The following ADD3 variants were observed in gnomAD, a reference collection of about 807,000 sequenced individuals.
ADD3 encodes gamma-adducin.
In ADD3, 25 loss-of-function variants were observed where a neutral mutation model predicts 80.2. That is an observed-to-expected ratio of 0.31 (90% CI 0.23 to 0.44). The LOEUF is 0.44. ADD3 is among the 20% of genes least tolerant of loss of function. The pLI, the probability that ADD3 is intolerant of heterozygous loss-of-function variation, is 1.00. For missense variants in ADD3, 829 were observed against 847.5 expected, an observed-to-expected ratio of 0.98 and a Z score of 0.27; for synonymous variants, 284 against 289.6, an observed-to-expected ratio of 0.98 and a Z score of 0.20.
At chr10:110,013,423 G>C (rs1037511307) in intron 1 of ADD3, among the ~76,000 whole-genome samples, 1 of 152,102 alleles carries the variant, frequency 6.6e-6, no homozygotes, top group African/African-American at 2.4e-5. Flanking sequence ...TTTTAATCTA[G>C]GGTTATGAAA....
chr10:110,133,661 C>A lies in ADD3; in HGVS notation c.*43C>A, dbSNP rs1315133933. ...TTATTATTATAACAATGTGACATTG[C>A]ACATCTAAATACCACATTTAAGTTG... On this transcript the variant is annotated 3_prime_UTR_variant, in exon 15 of 15. Transcript: ENST00000356080. 1 of 1,444,264 alleles carries A rather than the reference C, an allele frequency of 6.9e-7. No homozygotes were observed. The highest frequency in any genetic ancestry group is 1.4e-5 in the African/African-American group (1 of 70,164). 89.5% of individuals were successfully genotyped at this position (1,444,264 alleles called of 1,614,324 possible).
Position 110,100,839 on chromosome 10 carries a change from G to A in ADD3, c.186G>A (p.Leu62=). Residue 62 remains leucine (L), a synonymous_variant, in exon 2 of 15, where the codon CTG becomes CTA. Coordinates refer to ENST00000356080, the MANE Select transcript of ADD3 (RefSeq NM_016824.5). The stretch of plus-strand genomic sequence containing the variant: ...AGAGGAAACGAGTTACTCAGATCCT[G>A]CAAAGTCCTGTGAGTTGAATTAGAA... ...MEQRKRVTQI[L]QSPAFREDLE... 6.2e-7 allele frequency: 1 copy of A among 1,601,526 alleles called. No homozygotes were observed. The highest frequency in any genetic ancestry group is 8.5e-7 in the Non-Finnish European group (1 of 1,174,676).
At chr10:110,016,877 G>A (rs1311855632) in intron 1 of ADD3, among the ~76,000 whole-genome samples, 1 of 152,126 alleles carries the variant, frequency 6.6e-6, no homozygotes, top group African/African-American at 2.4e-5. Context: ...GGAGGTTTAA[G>A]GTATCTGGAA....
chr10:110,126,848 C>T (rs770843873), intron 12 of ADD3, among the ~76,000 whole-genome samples: 2 of 152,186 alleles, frequency 1.3e-5, no homozygotes, highest in Non-Finnish European at 2.9e-5. Flanking sequence ...CCTCGTCCTC[C>T]TTTGATGTTT....
rs139119035 is a variant in ADD3, at chr10:110,111,212, C to T, written c.196-1565C>T. ...TCCAAAATAATTTTCTGCCTTCTCC[C>T]TCTTAGGCAGAGTGGGGGAAATGGA... On this transcript the variant is annotated intron_variant, in intron 2 of 14. Coordinates refer to ENST00000356080, the MANE Select transcript of ADD3 (RefSeq NM_016824.5). Among the ~76,000 whole-genome samples the T allele has an allele frequency of 2.0e-3, 303 of 152,294 alleles. 1 individual carries two copies. The highest frequency in any genetic ancestry group is 6.9e-3 in the African/African-American group (287 of 41,546).
intron 1 of ADD3, among the ~76,000 whole-genome samples, chr10:110,070,981 TGGGGG>T (rs5787833): frequency 2.5e-5 from 1 of 39,620 alleles, no homozygotes; most frequent in African/African-American, 8.2e-5. Flanking sequence ...TTGTTGTTTT[TGGGGG>T]GGGGGGGTGG....
At chr10:110,043,808 T>A (rs1856627024) in intron 1 of ADD3, among the ~76,000 whole-genome samples, 1 of 152,214 alleles carries the variant, frequency 6.6e-6, no homozygotes, top group Non-Finnish European at 1.5e-5. Flanking sequence ...ACTGTGTGGT[T>A]AAATAACTAC....
intron 1 of ADD3, among the ~76,000 whole-genome samples, chr10:110,026,282 G>GT (rs11395254): frequency 0.19 from 26,169 of 135,556 alleles, 2,820 homozygotes; most frequent in East Asian, 0.41. Context: ...CAGTTTTCTT[G>GT]TTTTTTTTTT....
intron 1 of ADD3, among the ~76,000 whole-genome samples, chr10:110,082,496 T>A (rs886908465): frequency 6.6e-6 from 1 of 152,214 alleles, no homozygotes; most frequent in African/African-American, 2.4e-5. Context: ...CTGTAAAACA[T>A]TAAACTGTCT....
At chr10:110,075,447 A>G (rs373981470) in intron 1 of ADD3, among the ~76,000 whole-genome samples, 3 of 152,088 alleles carry the variant, frequency 2.0e-5, no homozygotes, top group South Asian at 2.1e-4. Context: ...CATTCCTGAC[A>G]TGTTACAAAC....
At chr10:110,095,212 A>G (rs971276672) in intron 1 of ADD3, among the ~76,000 whole-genome samples, 10 of 152,228 alleles carry the variant, frequency 6.6e-5, no homozygotes, top group African/African-American at 2.2e-4. Context: ...GATTTTTAAA[A>G]TAACAGTTTT....
chr10:110,121,107 A>G lies in ADD3; in HGVS notation c.961-1003A>G, dbSNP rs1851438378. ...AGGCATGGGCAAGGACTTCATGTCC[A>G]AAACACCAAAAGCAATGGCAACAAA... On this transcript the variant is annotated intron_variant, in intron 8 of 14. Coordinates refer to ENST00000356080, the MANE Select transcript of ADD3 (RefSeq NM_016824.5). Among the ~76,000 whole-genome samples the G allele has an allele frequency of 2.0e-5, 3 of 152,162 alleles. No homozygotes were observed. The South Asian group carries it at 6.2e-4, about 32-fold the overall frequency.
At chr10:110,125,318 A>G (rs981584745) in intron 10 of ADD3, among the ~76,000 whole-genome samples, 2 of 152,172 alleles carry the variant, frequency 1.3e-5, no homozygotes, top group Non-Finnish European at 2.9e-5. Flanking sequence ...CTATTTTGCT[A>G]TTATATACCA....
At chr10:110,038,144 C>G (rs984693362) in intron 1 of ADD3, among the ~76,000 whole-genome samples, 2 of 150,718 alleles carry the variant, frequency 1.3e-5, no homozygotes, top group African/African-American at 4.9e-5. Flanking sequence ...TAGCAGTAAA[C>G]CACCACCCAG....
At chr10:110,080,661 C>G (rs1042738011) in intron 1 of ADD3, among the ~76,000 whole-genome samples, 3 of 152,124 alleles carry the variant, frequency 2.0e-5, no homozygotes, top group Admixed American at 6.5e-5. Flanking sequence ...TAAAATGGAT[C>G]CTTATAATTT....
chr10:110,122,150 A>G lies in ADD3; in HGVS notation c.1001A>G (p.His334Arg), dbSNP rs1396902347. 3.1e-6 allele frequency: 5 copies of G among 1,614,028 alleles called. No homozygotes were observed. In the African/African-American group the frequency reaches 5.3e-5, roughly 17 times the overall value. ...LAGAGGVDNLHVLDFQKYKAF... is the reference protein window; with the variant it reads ...LAGAGGVDNLRVLDFQKYKAF... ...GGTGCAGGTGGAGTAGACAATCTCCATGTACTGGACTTTCAGAAGTATAAA... is the reference window on the plus strand; with the variant it reads ...GGTGCAGGTGGAGTAGACAATCTCCGTGTACTGGACTTTCAGAAGTATAAA... The change falls in exon 9 of 15, where the codon CAT becomes CGT. Residue 334 changes from histidine to arginine, a missense_variant. Transcript: ENST00000356080.
chr10:110,031,576 A>C (rs1216282581), intron 1 of ADD3, among the ~76,000 whole-genome samples: 1 of 152,012 alleles, frequency 6.6e-6, no homozygotes, highest in East Asian at 1.9e-4. Flanking sequence ...TTTAACATGA[A>C]GCGGAGTACT....
At chr10:110,007,968 C>G (rs1427350018), upstream of ADD3, 1 of 152,018 alleles carries the variant, frequency 6.6e-6, no homozygotes, top group Non-Finnish European at 1.5e-5. Context: ...TCGAGGGGCG[C>G]TCGGCTAGTC....
chr10:110,033,479 G>C (rs1435821315), intron 1 of ADD3, among the ~76,000 whole-genome samples: 1 of 152,166 alleles, frequency 6.6e-6, no homozygotes, highest in Non-Finnish European at 1.5e-5. Flanking sequence ...TGTGTTCCAT[G>C]TAAAATGCAG....
Sources: allele counts gnomAD v4.1 joint callset (sites outside exome capture counted in the v4.1 genomes callset), GRCh38; gene constraint gnomAD v4.1.1; transcripts MANE v1.5; gene names NCBI Gene and HGNC (gene_info 2026-07-23, HGNC 2026-07-21).